Variants in PIK3C2B observed in about 807,000 individuals in gnomAD.
The protein encoded by PIK3C2B is phosphatidylinositol 4-phosphate 3-kinase C2 domain-containing subunit beta.
PIK3C2B carries 83 observed loss-of-function variants against 184.3 expected under a neutral mutation model. The ratio of observed to expected loss-of-function variants is 0.45; its 90% CI spans 0.38 to 0.54. The LOEUF (loss-of-function observed/expected upper bound fraction) is 0.54. Ranked by LOEUF, PIK3C2B falls within the 20% of genes least tolerant of loss-of-function variation. PIK3C2B has a pLI of 0.00. For synonymous variants in PIK3C2B, 779 were observed against 837.6 expected (o/e 0.93, Z 1.21); for missense variants, 1,736 against 2,113.5 (o/e 0.82, Z 3.50).
At chr1:204,459,251 A>T (rs1655125701) in intron 8 of PIK3C2B, among the ~76,000 whole-genome samples, 1 of 152,204 alleles carries the variant, frequency 6.6e-6, no homozygotes, top group Admixed American at 6.5e-5. Context: ...TTTGGGGTTC[A>T]AGCAATTCTC....
At position 204,453,227 on chromosome 1, in the gene PIK3C2B, A is replaced by C. The variant is rs545312109; in HGVS notation, c.2066+1442T>G. 7.8e-4 allele frequency among the ~76,000 whole-genome samples: 119 copies of C among 152,156 alleles called. 4 individuals carry two copies. Among genetic ancestry groups the C allele is most frequent in the Non-Finnish European group, 1.9e-4 (13 of 67,992 alleles). On this transcript the variant is annotated intron_variant, in intron 12 of 32. Coordinates refer to ENST00000684373, the MANE Select transcript of PIK3C2B (RefSeq NM_001377334.1). ...CAAAGCCGGGGGCAGCAAACAGGGG[A>C]TTTTCTGACTGACTGGAAGGAAGGT... is the stretch of plus-strand genomic sequence containing the variant.
rs768164278 is a variant in PIK3C2B at position 204,430,013 on chromosome 1, G to A, written c.4306C>T (p.Arg1436Cys). 28 of 1,610,178 alleles carry A rather than the reference G, an allele frequency of 1.7e-5. No individual in the cohort carries two copies. Among genetic ancestry groups the A allele is most frequent in the East Asian group, 1.3e-4 (6 of 44,892 alleles). Residue 1436 changes from arginine to cysteine, a missense_variant, in exon 29 of 33, where the codon CGC becomes TGC. Around this residue, in one of 8 missense-constraint regions of PIK3C2B, gnomAD observed 200 missense variants for 199.1 expected, o/e 1.00. Coordinates refer to ENST00000684373, the MANE Select transcript of PIK3C2B (RefSeq NM_001377334.1). The stretch of plus-strand genomic sequence containing the variant: ...TCGGCCACCGCCTCTCCCCGGGAGC[G>A]GCCGATCACGAAGCGACTAGGGAAG... ...PSFPSRFVIG[R>C]SRGEAVAERR... is the part of the protein sequence containing the mutation.
At position 204,468,975 on chromosome 1, in the gene PIK3C2B, C is replaced by G; in HGVS notation, c.828G>C (p.Arg276Ser). 1 of 1,614,204 alleles carries G rather than the reference C, an allele frequency of 6.2e-7. No individual in the cohort carries two copies. The highest frequency in any genetic ancestry group is 8.5e-7 in the Non-Finnish European group (1 of 1,180,034). Residue 276 changes from arginine (R) to serine (S), a missense_variant, in exon 2 of 33, where the codon AGG (arginine) becomes AGC (serine). Arg to Ser is a moderately radical substitution (Grantham distance 110). Transcript: ENST00000684373. ...GCACCTGAGGGGGCATAGTCTTGCT[C>G]CTGGCCACGGGTTTTCCAGAGGTGT... ...SKDTSGKPVARSKTMPPQVPP... is the reference protein window; with the variant it reads ...SKDTSGKPVASSKTMPPQVPP...
At chr1:204,484,786 A>G (rs1390544502) in intron 1 of PIK3C2B, among the ~76,000 whole-genome samples, 1 of 152,078 alleles carries the variant, frequency 6.6e-6, no homozygotes, top group Non-Finnish European at 1.5e-5. Context: ...GAACACCTCC[A>G]TGCTCTCCAC....
intron 18 of PIK3C2B, 53 bp from the exon 19 acceptor site, chr1:204,443,650 G>A: frequency 6.5e-7 from 1 of 1,532,060 alleles, no homozygotes; most frequent in African/African-American, 1.4e-5. Flanking sequence ...CAAAGGCAAG[G>A]GTACAGGGGG....
chr1:204,485,938 G>A (rs1657551720), intron 1 of PIK3C2B, among the ~76,000 whole-genome samples: 1 of 152,150 alleles, frequency 6.6e-6, no homozygotes, highest in South Asian at 2.1e-4. Context: ...GAATAAAAGT[G>A]ACTTTGCTCT....
At chr1:204,489,293 G>C (rs376273795) in intron 1 of PIK3C2B, among the ~76,000 whole-genome samples, 1 of 152,032 alleles carries the variant, frequency 6.6e-6, no homozygotes, top group East Asian at 1.9e-4. Flanking sequence ...TCAGCCTCCT[G>C]AGTAGCTGAG....
At position 204,425,745 on chromosome 1, in the gene PIK3C2B, CAAT is replaced by C; in HGVS notation, c.4588-7_4588-5del. 6.2e-7 allele frequency: 1 copy of C among 1,610,558 alleles called. No individual in the cohort carries two copies. The highest frequency in any genetic ancestry group is 8.5e-7 in the Non-Finnish European group (1 of 1,179,256). On this transcript the variant is annotated splice_polypyrimidine_tract_variant and splice_region_variant and intron_variant, in intron 31 of 32. Transcript: ENST00000684373. ...CATTTCCATCCTGGAGCAGTTGCTACAATAGAATGAGAACCAAAAAAATGTTAA... is the reference window on the plus strand; with the variant it reads ...CATTTCCATCCTGGAGCAGTTGCTACAGAATGAGAACCAAAAAAATGTTAA...
chr1:204,453,481 A>T (rs1572338438), intron 12 of PIK3C2B, among the ~76,000 whole-genome samples: 1 of 152,250 alleles, frequency 6.6e-6, no homozygotes, highest in African/African-American at 2.4e-5. Context: ...CTCTGAGTGA[A>T]ACCAATGTCC....
chr1:204,430,332 C>G (rs889672460), intron 28 of PIK3C2B, among the ~76,000 whole-genome samples: 2 of 151,864 alleles, frequency 1.3e-5, no homozygotes, highest in African/African-American at 4.8e-5. Flanking sequence ...CTCAGTTTCT[C>G]CCATCGATGT....
intron 13 of PIK3C2B, among the ~76,000 whole-genome samples, 169 bp downstream of exon 13, chr1:204,449,681 A>G (rs965938881): frequency 5.3e-5 from 8 of 152,184 alleles, no homozygotes; most frequent in African/African-American, 1.9e-4. Flanking sequence ...TGGTTACATC[A>G]ATAGTCCTGG....
At chr1:204,432,589 G>A (rs1177846024) in intron 26 of PIK3C2B, among the ~76,000 whole-genome samples, 188 bp from the exon 27 acceptor site, 1 of 152,060 alleles carries the variant, frequency 6.6e-6, no homozygotes, top group Non-Finnish European at 1.5e-5. Context: ...TTGCTCATGT[G>A]AACCCCAGGG....
Position 204,428,204 on chromosome 1 carries a change from G to A in PIK3C2B, c.4415C>T (p.Thr1472Ile), listed in dbSNP as rs754501274. ...ATCCCGGGGCAGTGGGTGGAAGAAG[G>A]TGTACACCAAATCACACTGGAACAG... ...PEVAECDLVY[T>I]FFHPLPRDEK... The change falls in exon 30 of 33, where the codon ACC becomes ATC. Residue 1472 changes from threonine (T) to isoleucine (I), a missense_variant. Coordinates refer to ENST00000684373, the MANE Select transcript of PIK3C2B (RefSeq NM_001377334.1). 6.2e-7 allele frequency: 1 copy of A among 1,611,158 alleles called. No individual in the cohort carries two copies. The highest frequency in any genetic ancestry group is 8.5e-7 in the Non-Finnish European group (1 of 1,177,422).
intron 9 of PIK3C2B, 39 bp from the exon 10 acceptor site, chr1:204,457,109 A>C: frequency 6.5e-7 from 1 of 1,544,946 alleles, no homozygotes; most frequent in Non-Finnish European, 8.8e-7. Context: ...CTTCAGGGCC[A>C]TAGCCTTTTT....
intron 2 of PIK3C2B, among the ~76,000 whole-genome samples, chr1:204,465,527 G>A (rs1245884331): frequency 1.3e-5 from 2 of 152,260 alleles, no homozygotes; most frequent in African/African-American, 2.4e-5. Context: ...AGAAGGAGGC[G>A]AAGCTCTGGC....
intron 26 of PIK3C2B, 28 bp from the exon 27 acceptor site, chr1:204,432,429 T>TAA (rs1558232797): frequency 6.2e-7 from 1 of 1,602,306 alleles, no homozygotes; most frequent in Admixed American, 1.7e-5. Flanking sequence ...AAAGAGGATA[T>TAA]AACCATGAAC....
chr1:204,472,753 T>C (rs553112268), intron 1 of PIK3C2B, among the ~76,000 whole-genome samples: 25 of 152,224 alleles, frequency 1.6e-4, no homozygotes, highest in Middle Eastern at 6.8e-3. Flanking sequence ...TCACTCCAGC[T>C]TGGGCAACAA....
chr1:204,442,451 C>T (rs1250964014), intron 20 of PIK3C2B, 75 bp downstream of exon 20: 19 of 939,484 alleles, frequency 2.0e-5, no homozygotes, highest in Non-Finnish European at 3.2e-5. Flanking sequence ...CTCGACCTTG[C>T]ATGCCTGGTT....
At chr1:204,442,465 G>C in intron 20 of PIK3C2B, 61 bp downstream of exon 20, 1 of 1,103,264 alleles carries the variant, frequency 9.1e-7, no homozygotes, top group Non-Finnish European at 1.4e-6. Context: ...CCTGGTTAGT[G>C]AAGACCTCAC....
Sources: allele counts gnomAD v4.1 joint callset (sites outside exome capture counted in the v4.1 genomes callset), GRCh38; gene constraint gnomAD v4.1.1; regional missense constraint gnomAD v4.1.1; transcripts MANE v1.5; gene names NCBI Gene and HGNC (gene_info 2026-07-23, HGNC 2026-07-21).